EYS: variants seen among roughly 807,000 people sequenced by gnomAD.
EYS encodes EGF-like photoreceptor maintenance factor.
EYS carries 250 observed loss-of-function variants against 282.1 expected under a neutral mutation model. The ratio of observed to expected loss-of-function variants is 0.89; its 90% CI spans 0.80 to 0.98. The LOEUF (loss-of-function observed/expected upper bound fraction) is 0.98. Ranked by LOEUF, EYS falls within the 50% of genes least tolerant of loss-of-function variation. EYS has a pLI of 0.00. For synonymous variants in EYS, 1,355 were observed against 1,282.9 expected, an observed-to-expected ratio of 1.06 and a Z score of -1.20; for missense variants, 4,016 against 3,709.0, an observed-to-expected ratio of 1.08 and a Z score of -2.15.
rs1338161815 is a variant in EYS at position 64,082,004 on chromosome 6, TAA to T, written c.6425-4_6425-3del. On this transcript the variant is annotated splice_region_variant and splice_polypyrimidine_tract_variant and intron_variant, in intron 31 of 42. Coordinates refer to ENST00000503581, the MANE Select transcript of EYS (RefSeq NM_001142800.2). The stretch of plus-strand genomic sequence containing the variant: ...AAGATGGAAAGAATAAACCTGCATC[TAA>T]AAAAGAAAATGGTATTAATATGTTC... 6.5e-7 allele frequency: 1 copy of T among 1,527,524 alleles called. No homozygotes were observed. Among genetic ancestry groups the T allele is most frequent in the Non-Finnish European group, 8.9e-7 (1 of 1,129,080 alleles). 94.6% of individuals were successfully genotyped at this position (1,527,524 alleles called of 1,614,324 possible). A position where few individuals can be genotyped will look rare whatever the true frequency, so the allele number is the denominator to read the frequency against.
At chr6:64,175,804 C>T (rs1225334844) in intron 31 of EYS, among the ~76,000 whole-genome samples, 2 of 152,064 alleles carry the variant, frequency 1.3e-5, no homozygotes, top group Non-Finnish European at 2.9e-5. Context: ...CCCTAGAGAC[C>T]TTATCTCCAG....
chr6:64,449,441 T>C (rs1239617664), intron 26 of EYS, among the ~76,000 whole-genome samples: 3 of 152,158 alleles, frequency 2.0e-5, no homozygotes, highest in African/African-American at 7.2e-5. Context: ...TGCAGGATAT[T>C]ACCCAGGAGA....
chr6:63,735,450 C>G (rs1768885449), intron 41 of EYS, among the ~76,000 whole-genome samples: 1 of 151,818 alleles, frequency 6.6e-6, no homozygotes, highest in Admixed American at 6.6e-5. Context: ...TTTTCGTTCT[C>G]TCATTTCCTG....
chr6:63,769,012 C>T (rs1055361728), intron 40 of EYS, among the ~76,000 whole-genome samples: 3 of 151,964 alleles, frequency 2.0e-5, no homozygotes, highest in African/African-American at 4.8e-5. Context: ...TAAGTAGGAG[C>T]TGAACAATGA....
chr6:65,575,220 C>T lies in EYS; in HGVS notation c.-333+64558G>A, dbSNP rs191887477. Among the ~76,000 whole-genome samples, 30 of 151,850 alleles carry T rather than the reference C, an allele frequency of 2.0e-4. No individual in the cohort carries two copies. In the East Asian group the frequency reaches 3.5e-3, roughly 18 times the overall value. On this transcript the variant is annotated intron_variant, in intron 2 of 42. Transcript: ENST00000503581. ...TGCACACTTGTAACCCCACCTACTC[C>T]GAAGGCTGAAGCAGGTGAATCACTT...
chr6:65,010,940 A>G (rs1337965502), intron 13 of EYS, among the ~76,000 whole-genome samples: 1 of 152,186 alleles, frequency 6.6e-6, no homozygotes, highest in Admixed American at 6.5e-5. Context: ...AAAGGAAAGG[A>G]AAATAGAAGA....
chr6:65,369,727 C>CA (rs1423704633), intron 8 of EYS, among the ~76,000 whole-genome samples: 1 of 151,602 alleles, frequency 6.6e-6, no homozygotes, highest in African/African-American at 2.4e-5. Context: ...TCCTTAGCAG[C>CA]AAACTTGGCT....
In EYS at chr6:64,688,498, G is replaced by C. The variant is rs9345380; in HGVS notation, c.3444-62253C>G. Among the ~76,000 whole-genome samples, 1,287 of 152,252 alleles carry C rather than the reference G, an allele frequency of 8.5e-3. 25 individuals are homozygous for C. Among genetic ancestry groups the C allele is most frequent in the East Asian group, 0.07 (364 of 5,178 alleles). Reference sequence around the variant, plus strand: ...TGTTATGTACCCAGTAGTCATTCAGGAGCAGGTTGTTCAGTTTCCATGTAA... The same window carrying C: ...TGTTATGTACCCAGTAGTCATTCAGCAGCAGGTTGTTCAGTTTCCATGTAA... On this transcript the variant is annotated intron_variant, in intron 22 of 42. Transcript: ENST00000503581.
intron 22 of EYS, among the ~76,000 whole-genome samples, chr6:64,705,956 G>T (rs1562145783): frequency 6.6e-6 from 1 of 150,930 alleles, no homozygotes; most frequent in African/African-American, 2.4e-5. Flanking sequence ...TGCACAATGT[G>T]CACATGTACC....
rs2150267237 is a variant in EYS at position 64,112,409 on chromosome 6, A to G, written c.6425-30407T>C. On this transcript the variant is annotated intron_variant, in intron 31 of 42. Transcript: ENST00000503581. The stretch of plus-strand genomic sequence containing the variant: ...CTGAGTTTGTATATATGTATTTTTT[A>G]TTTTTTAACTGTATATTGACAAATT... Among the ~76,000 whole-genome samples the G allele has an allele frequency of 2.0e-5, 3 of 151,998 alleles. No homozygotes were observed. In the South Asian group the frequency reaches 6.2e-4, roughly 32 times the overall value.
chr6:64,744,649 CATGCACATTATAT>C lies in EYS; in HGVS notation c.3443+68716_3443+68728del, dbSNP rs1202100045. On this transcript the variant is annotated intron_variant, in intron 22 of 42. Coordinates refer to ENST00000503581, the MANE Select transcript of EYS (RefSeq NM_001142800.2). The stretch of plus-strand genomic sequence containing the variant: ...AAAAACATGTATGTGTACCAAAATG[CATGCACATTATAT>C]ATGCAGATTAAAAGTAATGCTAGTT... Among the ~76,000 whole-genome samples the C allele has an allele frequency of 2.0e-5, 3 of 152,082 alleles. No individual in the cohort carries two copies. In the East Asian group the frequency reaches 5.8e-4, roughly 29 times the overall value.
At chr6:63,829,680 TA>T (rs1260518154) in intron 36 of EYS, among the ~76,000 whole-genome samples, 3 of 152,198 alleles carry the variant, frequency 2.0e-5, no homozygotes, top group African/African-American at 7.2e-5. Flanking sequence ...TCTGCAGACT[TA>T]AACGTCCCTG....
At chr6:65,618,110 T>A (rs1335962167) in intron 2 of EYS, among the ~76,000 whole-genome samples, 2 of 152,278 alleles carry the variant, frequency 1.3e-5, no homozygotes, top group African/African-American at 4.8e-5. Flanking sequence ...TAGTTCTAGA[T>A]CCCTGAGGAA....
intron 18 of EYS, among the ~76,000 whole-genome samples, chr6:64,900,044 T>C (rs952777726): frequency 3.3e-5 from 5 of 151,980 alleles, no homozygotes; most frequent in Admixed American, 6.6e-5. Flanking sequence ...TATAGACCAA[T>C]GGAACAGAAC....
At chr6:64,534,450 A>G (rs1764455225) in intron 26 of EYS, among the ~76,000 whole-genome samples, 1 of 152,148 alleles carries the variant, frequency 6.6e-6, no homozygotes, top group South Asian at 2.1e-4. Context: ...TTGTTTCTCA[A>G]TAAGATCTTT....
intron 1 of EYS, among the ~76,000 whole-genome samples, chr6:65,698,393 C>G (rs1769535906): frequency 6.6e-6 from 1 of 151,938 alleles, no homozygotes; most frequent in South Asian, 2.1e-4. Flanking sequence ...ACTGGTGGGT[C>G]CTATATAATT....
intron 12 of EYS, among the ~76,000 whole-genome samples, chr6:65,119,964 A>AC (rs990134813): frequency 6.0e-5 from 9 of 149,374 alleles, no homozygotes; most frequent in South Asian, 2.1e-4. Flanking sequence ...CGTGAAACCT[A>AC]CCCCCCCTCC....
rs1470957175 is a variant in EYS, at chr6:65,707,119, A to C, written c.-448+16T>G. 6.6e-6 allele frequency: 1 copy of C among 152,206 alleles called. No individual in the cohort carries two copies. The highest frequency in any genetic ancestry group is 1.5e-5 in the Non-Finnish European group (1 of 68,040). 9.4% of individuals were successfully genotyped at this position (152,206 alleles called of 1,614,324 possible). A position where few individuals can be genotyped will look rare whatever the true frequency, so the allele number is the denominator to read the frequency against. On this transcript the variant is annotated intron_variant, in intron 1 of 42. Coordinates refer to ENST00000503581, the MANE Select transcript of EYS (RefSeq NM_001142800.2). ...AATAGAAAAATAATTTCTAGGTGGA[A>C]TCAAGTATAACTTACCCCAACCATT... is the stretch of plus-strand genomic sequence containing the variant.
chr6:65,204,638 C>T (rs867280455), intron 12 of EYS, among the ~76,000 whole-genome samples: 2 of 151,686 alleles, frequency 1.3e-5, no homozygotes, highest in African/African-American at 2.4e-5. Flanking sequence ...ATTGAGACTC[C>T]AAGGTTACTA....
Sources: gnomAD v4.1 joint callset for allele counts (sites outside exome capture counted in the v4.1 genomes callset) on GRCh38, gnomAD v4.1.1 for gene constraint, MANE v1.5 for transcripts, NCBI Gene and HGNC (gene_info 2026-07-23, HGNC 2026-07-21) for gene names.